MEI4: variants seen among roughly 807,000 people sequenced by gnomAD.
MEI4 encodes the protein meiotic double-stranded break formation protein 4.
MEI4 carries 27 observed loss-of-function variants against 31.4 expected under a neutral mutation model. The ratio of observed to expected loss-of-function variants is 0.86; its 90% CI spans 0.63 to 1.19. The LOEUF is 1.19. Among genes scored for constraint, MEI4 ranks in the 50% most tolerant of loss-of-function variants. The pLI is 0.00. For missense variants in MEI4, 329 were observed against 398.9 expected (o/e 0.82, Z 1.49); for synonymous variants, 122 against 145.4 (o/e 0.84, Z 1.16).
intron 3 of MEI4, among the ~76,000 whole-genome samples, chr6:77,793,068 C>T (rs1768981418): frequency 6.6e-6 from 1 of 152,014 alleles, no homozygotes; most frequent in African/African-American, 2.4e-5. Context: ...TTAATAGCAA[C>T]TTTATTGAAA....
chr6:77,792,073 C>G (rs571584595), intron 3 of MEI4, among the ~76,000 whole-genome samples: 1 of 152,092 alleles, frequency 6.6e-6, no homozygotes, highest in African/African-American at 2.4e-5. Flanking sequence ...GTTATTTCAC[C>G]TAATGTAATG....
In MEI4 at chr6:77,742,371, G is replaced by A. The variant is rs540765234; in HGVS notation, c.233-18759G>A. The stretch of plus-strand genomic sequence containing the variant: ...TTGATTTGCATTTCTCTGATGGCCA[G>A]TGATGGTGAGCATTTTTTCCTGTGT... On this transcript the variant is annotated intron_variant, in intron 2 of 4. Coordinates refer to ENST00000684080, the MANE Select transcript of MEI4 (RefSeq NM_001322247.2). Among the ~76,000 whole-genome samples, 34 of 152,160 alleles carry A rather than the reference G, an allele frequency of 2.2e-4. No individual in the cohort carries two copies. In the East Asian group the frequency reaches 5.4e-3, roughly 24 times the overall value.
rs1769414452 is a variant in MEI4 at position 77,805,743 on chromosome 6, GT to G, written c.769-23185del. On this transcript the variant is annotated intron_variant, in intron 3 of 4. Transcript: ENST00000684080. ...GTAAATAGATTAAGGATAATGTATTGTTTAAAAATATATACAGGTCTCTTAC... is the reference window on the plus strand; with the variant it reads ...GTAAATAGATTAAGGATAATGTATTGTTAAAAATATATACAGGTCTCTTAC... 5.3e-5 allele frequency among the ~76,000 whole-genome samples: 8 copies of G among 152,122 alleles called. No homozygotes were observed. The South Asian group carries it at 1.7e-3, about 32-fold the overall frequency.
intron 3 of MEI4, among the ~76,000 whole-genome samples, chr6:77,794,763 A>G (rs1162436962): frequency 6.6e-6 from 1 of 152,178 alleles, no homozygotes; most frequent in East Asian, 1.9e-4. Context: ...AAACAGACAT[A>G]TTTCATCTAA....
At chr6:77,756,017 A>AC (rs1310689423) in intron 2 of MEI4, among the ~76,000 whole-genome samples, 1 of 152,170 alleles carries the variant, frequency 6.6e-6, no homozygotes, top group African/African-American at 2.4e-5. Context: ...AGAAAGCGGC[A>AC]CCAGCATGGC....
intron 2 of MEI4, among the ~76,000 whole-genome samples, chr6:77,748,424 C>T (rs935628947): frequency 6.6e-6 from 1 of 152,224 alleles, no homozygotes; most frequent in African/African-American, 2.4e-5. Context: ...AGCAATAGCC[C>T]AAGCTTTACT....
intron 4 of MEI4, among the ~76,000 whole-genome samples, chr6:77,922,025 G>A (rs1766715280): frequency 6.6e-6 from 1 of 151,722 alleles, no homozygotes; most frequent in African/African-American, 2.4e-5. Context: ...GTTTGATGCA[G>A]GGTTGCCACA....
intron 2 of MEI4, among the ~76,000 whole-genome samples, chr6:77,750,270 A>G (rs1255515824): frequency 6.6e-6 from 1 of 152,230 alleles, no homozygotes; most frequent in Non-Finnish European, 1.5e-5. Flanking sequence ...ACACATAACA[A>G]TAGTAACCTT....
At chr6:77,662,850 A>G (rs1768538620) in intron 1 of MEI4, among the ~76,000 whole-genome samples, 1 of 152,128 alleles carries the variant, frequency 6.6e-6, no homozygotes, top group Non-Finnish European at 1.5e-5. Context: ...TATGAGAATT[A>G]TGCCGAGATA....
At chr6:77,750,999 A>G (rs1767757272) in intron 2 of MEI4, among the ~76,000 whole-genome samples, 1 of 152,178 alleles carries the variant, frequency 6.6e-6, no homozygotes, top group African/African-American at 2.4e-5. Context: ...AAACTGAACA[A>G]CCTGCTCCTG....
intron 1 of MEI4, among the ~76,000 whole-genome samples, chr6:77,659,867 G>A (rs550035220): frequency 5.3e-5 from 8 of 152,134 alleles, no homozygotes; most frequent in East Asian, 1.9e-4. Context: ...GGTCTCTGCC[G>A]AGAGATACAT....
intron 1 of MEI4, among the ~76,000 whole-genome samples, chr6:77,682,948 G>C (rs1435621482): frequency 1.2e-4 from 18 of 152,200 alleles, no homozygotes; most frequent in Admixed American, 1.2e-3. Context: ...AGAGAAGCTA[G>C]GAGGCAGAAT....
At chr6:77,858,807 A>G (rs796491847) in intron 4 of MEI4, among the ~76,000 whole-genome samples, 23 of 149,782 alleles carry the variant, frequency 1.5e-4, no homozygotes, top group African/African-American at 5.4e-4. Context: ...ATATACTACA[A>G]TTTTTTTTTT....
intron 3 of MEI4, among the ~76,000 whole-genome samples, chr6:77,795,619 C>CA (rs990331399): frequency 2.0e-5 from 3 of 151,636 alleles, no homozygotes; most frequent in South Asian, 2.1e-4. Flanking sequence ...CACAAAAATG[C>CA]AAAAAATCCT....
rs1055723520 is a variant in MEI4 at position 77,690,776 on chromosome 6, C to T, written c.105C>T (p.His35=). 3 of 1,231,322 alleles carry T rather than the reference C, an allele frequency of 2.4e-6. No homozygotes were observed. The African/African-American group carries it at 4.7e-5, about 19-fold the overall frequency. The allele number at this position is 1,231,322 out of a possible 1,614,324, so 76.3% of individuals were successfully genotyped here. The change falls in exon 2 of 5, where the codon CAC becomes CAT. Residue 35 remains histidine, a synonymous_variant. Coordinates refer to ENST00000684080, the MANE Select transcript of MEI4 (RefSeq NM_001322247.2). ...ADKSSREYTE[H]LAMLLSEEQS... ...AAAGCAGCAGAGAATACACAGAGCA[C>T]CTTGCTATGTTGCTGTCTGAGGAGC... is the stretch of plus-strand genomic sequence containing the variant.
chr6:77,787,719 G>A (rs1768782070), intron 3 of MEI4, among the ~76,000 whole-genome samples: 1 of 151,964 alleles, frequency 6.6e-6, no homozygotes, highest in Admixed American at 6.5e-5. Flanking sequence ...TAAAGAAATG[G>A]AAATCTAAAA....
intron 2 of MEI4, among the ~76,000 whole-genome samples, chr6:77,700,447 C>A (rs548292133): frequency 6.6e-6 from 1 of 152,270 alleles, no homozygotes; most frequent in South Asian, 2.1e-4. Flanking sequence ...GTTGGAAAAG[C>A]GCAGTATTTG....
chr6:77,732,779 CTTA>C (rs1292286403), intron 2 of MEI4, among the ~76,000 whole-genome samples: 2 of 151,976 alleles, frequency 1.3e-5, no homozygotes, highest in East Asian at 3.9e-4. Flanking sequence ...ATAGATAGCT[CTTA>C]TTATTTTGAA....
chr6:77,746,861 C>T (rs565779912), intron 2 of MEI4, among the ~76,000 whole-genome samples: 45 of 151,976 alleles, frequency 3.0e-4, no homozygotes, highest in South Asian at 1.7e-3. Flanking sequence ...ATGGACAACA[C>T]GTAGGGCAAA....
Sources: allele counts gnomAD v4.1 joint callset (sites outside exome capture counted in the v4.1 genomes callset), GRCh38; gene constraint gnomAD v4.1.1; transcripts MANE v1.5; gene names NCBI Gene and HGNC (gene_info 2026-07-23, HGNC 2026-07-21).